Variants in LCLAT1 observed in about 807,000 individuals in gnomAD.
LCLAT1 encodes lysocardiolipin acyltransferase 1.
Under a neutral mutation model 30.7 loss-of-function variants are expected in LCLAT1, and 11 were observed. The ratio of observed to expected loss-of-function variants is 0.36; its 90% CI spans 0.23 to 0.59. The LOEUF (loss-of-function observed/expected upper bound fraction) is 0.59, where lower values mean the gene tolerates loss of function less well. Ranked by LOEUF, LCLAT1 falls within the 20% of genes least tolerant of loss-of-function variation. LCLAT1 has a pLI of 0.77. For missense variants in LCLAT1, 402 were observed against 458.6 expected, an observed-to-expected ratio of 0.88 and a Z score of 1.13; for synonymous variants, 155 against 151.3, an observed-to-expected ratio of 1.02 and a Z score of -0.18.
intron 5 of LCLAT1, among the ~76,000 whole-genome samples, chr2:30,615,725 C>T (rs1032166944): frequency 6.6e-6 from 1 of 152,094 alleles, no homozygotes; most frequent in African/African-American, 2.4e-5. Flanking sequence ...GGAAATAAAG[C>T]CTTAGGAACT....
intron 2 of LCLAT1, among the ~76,000 whole-genome samples, chr2:30,528,894 A>G (rs2028668): frequency 0.13 from 19,203 of 152,178 alleles, 1,352 homozygotes; most frequent in South Asian, 0.23. Context: ...TAGGTTACAG[A>G]AAAATTGATA....
chr2:30,576,939 T>G (rs1666015159), intron 5 of LCLAT1, among the ~76,000 whole-genome samples: 1 of 151,920 alleles, frequency 6.6e-6, no homozygotes, highest in Non-Finnish European at 1.5e-5. Flanking sequence ...TGTGTACACA[T>G]GCAAAACCAA....
chr2:30,477,440 A>AT (rs147896766), intron 1 of LCLAT1, among the ~76,000 whole-genome samples: 1,929 of 152,254 alleles, frequency 0.013, 43 homozygotes, highest in African/African-American at 0.044. Flanking sequence ...TTATATTGTG[A>AT]TATATAAGGT....
At chr2:30,466,796 A>T (rs1040829312) in intron 1 of LCLAT1, among the ~76,000 whole-genome samples, 7 of 152,140 alleles carry the variant, frequency 4.6e-5, no homozygotes, top group Non-Finnish European at 7.3e-5. Flanking sequence ...GGGAACTACA[A>T]GTCTTATATA....
At chr2:30,536,931 T>A (rs558920778) in intron 3 of LCLAT1, among the ~76,000 whole-genome samples, 53 of 152,300 alleles carry the variant, frequency 3.5e-4, no homozygotes, top group African/African-American at 1.3e-3. Context: ...ATGAATTTTT[T>A]AAAAATACAA....
At chr2:30,498,895 C>T (rs1031006784) in intron 1 of LCLAT1, among the ~76,000 whole-genome samples, 3 of 152,120 alleles carry the variant, frequency 2.0e-5, no homozygotes, top group African/African-American at 7.2e-5. Flanking sequence ...GGAAGCCTGC[C>T]CTTAGGCTCC....
intron 5 of LCLAT1, among the ~76,000 whole-genome samples, chr2:30,638,542 T>C (rs1558573434): frequency 1.3e-5 from 2 of 152,204 alleles, no homozygotes; most frequent in African/African-American, 4.8e-5. Flanking sequence ...AGTTTCTCAC[T>C]GAAGGTAACA....
At chr2:30,532,000 G>A (rs1247135732) in intron 2 of LCLAT1, among the ~76,000 whole-genome samples, 1 of 152,082 alleles carries the variant, frequency 6.6e-6, no homozygotes, top group Non-Finnish European at 1.5e-5. Context: ...TTTGGTAGAA[G>A]TATTCATTAA....
intron 5 of LCLAT1, among the ~76,000 whole-genome samples, chr2:30,618,552 T>C (rs1431502233): frequency 6.6e-6 from 1 of 152,138 alleles, no homozygotes; most frequent in South Asian, 2.1e-4. Context: ...CAGCAGACAC[T>C]GCGGTCTACT....
intron 1 of LCLAT1, among the ~76,000 whole-genome samples, chr2:30,477,530 C>T (rs1205745167): frequency 6.6e-6 from 1 of 152,102 alleles, no homozygotes; most frequent in South Asian, 2.1e-4. Flanking sequence ...TGTATATAGC[C>T]TCTAACTGGT....
intron 4 of LCLAT1, among the ~76,000 whole-genome samples, chr2:30,565,065 G>A (rs955047125): frequency 1.3e-5 from 2 of 152,062 alleles, no homozygotes; most frequent in Admixed American, 6.5e-5. Flanking sequence ...ATATGTCTTC[G>A]TTATTCTTGG....
chr2:30,573,836 A>G (rs1015011810), intron 5 of LCLAT1, among the ~76,000 whole-genome samples: 1 of 152,164 alleles, frequency 6.6e-6, no homozygotes, highest in Admixed American at 6.5e-5. Flanking sequence ...ATACCCTTCA[A>G]ATTTTTTGAG....
intron 3 of LCLAT1, among the ~76,000 whole-genome samples, chr2:30,551,639 A>G (rs962238288): frequency 3.3e-5 from 5 of 152,154 alleles, no homozygotes; most frequent in African/African-American, 1.2e-4. Context: ...AAATCAAGGC[A>G]TTGGCAGGAC....
chr2:30,524,902 G>C (rs1293263939), intron 1 of LCLAT1, among the ~76,000 whole-genome samples: 1 of 152,076 alleles, frequency 6.6e-6, no homozygotes, highest in Non-Finnish European at 1.5e-5. Context: ...CCAAAGTGGG[G>C]ACCGTTGTAC....
intron 5 of LCLAT1, among the ~76,000 whole-genome samples, chr2:30,599,976 G>T (rs1667103862): frequency 6.6e-6 from 1 of 152,120 alleles, no homozygotes; most frequent in Non-Finnish European, 1.5e-5. Flanking sequence ...TGGTTATTTT[G>T]CAGACTTGTC....
chr2:30,553,819 C>A (rs1432457436), intron 3 of LCLAT1, among the ~76,000 whole-genome samples: 1 of 150,096 alleles, frequency 6.7e-6, no homozygotes, highest in Admixed American at 6.6e-5. Context: ...GAGACTCCGT[C>A]TCAAAAAAAA....
chr2:30,599,077 GTTCAAGTT>G (rs1208190265), intron 5 of LCLAT1, among the ~76,000 whole-genome samples: 3 of 151,848 alleles, frequency 2.0e-5, no homozygotes, highest in Non-Finnish European at 4.4e-5. Flanking sequence ...CCGCCTCCCG[GTTCAAGTT>G]ATTCTCCTGC....
intron 5 of LCLAT1, among the ~76,000 whole-genome samples, chr2:30,577,260 C>T (rs937070654): frequency 6.6e-6 from 1 of 151,986 alleles, no homozygotes; most frequent in Non-Finnish European, 1.5e-5. Flanking sequence ...CTCGGCACTG[C>T]ATAAAGTGTA....
At chr2:30,448,682 C>A (rs72853158) in intron 1 of LCLAT1, among the ~76,000 whole-genome samples, 1 of 152,206 alleles carries the variant, frequency 6.6e-6, no homozygotes, top group Non-Finnish European at 1.5e-5. Context: ...CTGGCTGTTG[C>A]TGACAACCAG....
Sources: allele counts gnomAD v4.1 joint callset (sites outside exome capture counted in the v4.1 genomes callset), GRCh38; gene constraint gnomAD v4.1.1; transcripts MANE v1.5; gene names NCBI Gene and HGNC (gene_info 2026-07-23, HGNC 2026-07-21).